The following TENM3 variants were observed in gnomAD, a reference collection of about 807,000 sequenced individuals.
TENM3 encodes teneurin transmembrane protein 3, also known as teneurin-3.
In TENM3, 63 loss-of-function variants were observed where a neutral mutation model predicts 255.1. The observed-to-expected ratio is 0.25, with a 90% CI of 0.20 to 0.30. TENM3 has a LOEUF of 0.30. TENM3 is among the 10% of genes least tolerant of loss of function. The pLI is 1.00. For synonymous variants in TENM3, 1,306 were observed against 1,322.3 expected (o/e 0.99, Z 0.27); for missense variants, 2,929 against 3,461.1 (o/e 0.85, Z 3.86).
chr4:182,102,437 G>A, the TENM3 span, among the ~76,000 whole-genome samples: 1 of 152,320 alleles, frequency 6.6e-6, no homozygotes, highest in African/African-American at 2.4e-5. Flanking sequence ...TACTGGCAAT[G>A]ATTAGCAGAC....
chr4:181,449,257 T>G, the TENM3 span, among the ~76,000 whole-genome samples: 1 of 152,136 alleles, frequency 6.6e-6, no homozygotes, highest in Non-Finnish European at 1.5e-5. Flanking sequence ...TCTCCTGTCA[T>G]GTAGGTCTAT....
chr4:182,175,334 T>TACAC (rs761114899), intron 1 of TENM3, among the ~76,000 whole-genome samples: 3 of 146,126 alleles, frequency 2.1e-5, no homozygotes, highest in African/African-American at 5.0e-5. Flanking sequence ...TATATATATA[T>TACAC]ACACACAAGT....
At chr4:182,392,176 G>C (rs1270158405) in intron 3 of TENM3, among the ~76,000 whole-genome samples, 3 of 152,196 alleles carry the variant, frequency 2.0e-5, no homozygotes, top group Non-Finnish European at 4.4e-5. Flanking sequence ...GATGTGAACA[G>C]TGAAGGGTCG....
chr4:181,577,182 T>A, the TENM3 span, among the ~76,000 whole-genome samples: 24 of 126,882 alleles, frequency 1.9e-4, no homozygotes, highest in African/African-American at 5.8e-4. Flanking sequence ...TATATTATAT[T>A]ATATATTATA....
chr4:182,209,662 T>C (rs76538223), intron 1 of TENM3, among the ~76,000 whole-genome samples: 4,801 of 152,232 alleles, frequency 0.032, 256 homozygotes, highest in African/African-American at 0.11. Flanking sequence ...ATTGTGTAAA[T>C]GCGTCTGTTA....
At chr4:181,855,953 A>G in the TENM3 span, among the ~76,000 whole-genome samples, 3 of 146,994 alleles carry the variant, frequency 2.0e-5, no homozygotes, top group Non-Finnish European at 4.5e-5. Context: ...GAAAGAAGGA[A>G]GGAACAAAAG....
chr4:182,452,666 A>G (rs1031087887), intron 3 of TENM3, among the ~76,000 whole-genome samples: 3 of 152,356 alleles, frequency 2.0e-5, no homozygotes, highest in East Asian at 1.9e-4. Context: ...TATTTTGGCT[A>G]TAATCACGTG....
rs1281515537 is a variant in TENM3 at position 182,192,993 on chromosome 4, C to T, written c.-76+48239C>T. Among the ~76,000 whole-genome samples the T allele has an allele frequency of 3.3e-5, 5 of 152,176 alleles. No homozygotes were observed. In the East Asian group the frequency reaches 9.6e-4, roughly 29 times the overall value. ...ATGTGCTGAACCAGCAATTACTCAC[C>T]TAATCTTCCTATCATGATGGTGTTT... On this transcript the variant is annotated intron_variant, in intron 1 of 2. Transcript: ENST00000512480.
At chr4:181,565,476 A>C in the TENM3 span, among the ~76,000 whole-genome samples, 1 of 152,360 alleles carries the variant, frequency 6.6e-6, no homozygotes, top group East Asian at 1.9e-4. Flanking sequence ...TAAATCTTAG[A>C]AGGTGGGAAA....
At chr4:182,738,377 A>G in intron 17 of TENM3, 24 bp from the exon 18 acceptor site, 1 of 1,554,308 alleles carries the variant, frequency 6.4e-7, no homozygotes, top group Non-Finnish European at 8.7e-7. Context: ...TGGAAAGATG[A>G]GCTGTGATTT....
chr4:182,762,631 C>T (rs4862090), intron 22 of TENM3, among the ~76,000 whole-genome samples: 27,682 of 152,164 alleles, frequency 0.18, 3,261 homozygotes, highest in East Asian at 0.57. Flanking sequence ...CGTAACTCCT[C>T]AGCCTCCCAG....
chr4:181,747,670 T>C, the TENM3 span, among the ~76,000 whole-genome samples: 12 of 152,024 alleles, frequency 7.9e-5, no homozygotes, highest in South Asian at 2.5e-3. Context: ...TTTTATTTGT[T>C]ACATTCCTGC....
At chr4:181,803,941 A>T in the TENM3 span, among the ~76,000 whole-genome samples, 1 of 39,964 alleles carries the variant, frequency 2.5e-5, no homozygotes, top group South Asian at 1.7e-3. Flanking sequence ...TATCTCAACA[A>T]AAAAAAAAAA....
At chr4:181,952,080 A>G in the TENM3 span, among the ~76,000 whole-genome samples, 1 of 152,340 alleles carries the variant, frequency 6.6e-6, no homozygotes, top group East Asian at 1.9e-4. Context: ...CATCCTTGTC[A>G]TAATGCCTGT....
At chr4:181,951,130 T>C in the TENM3 span, among the ~76,000 whole-genome samples, 1 of 152,228 alleles carries the variant, frequency 6.6e-6, no homozygotes, top group African/African-American at 2.4e-5. Flanking sequence ...AATGTTATTT[T>C]TCCCAGTTTT....
At chr4:182,567,352 T>C (rs1743894391) in intron 3 of TENM3, among the ~76,000 whole-genome samples, 1 of 152,148 alleles carries the variant, frequency 6.6e-6, no homozygotes, top group Non-Finnish European at 1.5e-5. Context: ...CCTTGACACC[T>C]TCCCTCCCGT....
chr4:182,688,311 T>C lies in TENM3; in HGVS notation c.2181T>C (p.Cys727=). ...AEHGTCKDGK[C]ECSQGWNGEH... Reference sequence around the variant, plus strand: ...ACGGGACCTGCAAGGATGGCAAGTGTGAATGCAGCCAGGGCTGGAATGGAG... The same window carrying C: ...ACGGGACCTGCAAGGATGGCAAGTGCGAATGCAGCCAGGGCTGGAATGGAG... Residue 727 remains cysteine (C), a synonymous_variant, in exon 12 of 28, where the codon TGT becomes TGC. Transcript: ENST00000511685. The C allele has an allele frequency of 6.2e-7, 1 of 1,613,704 alleles. No homozygotes were observed. The highest frequency in any genetic ancestry group is 8.5e-7 in the Non-Finnish European group (1 of 1,179,770).
the TENM3 span, among the ~76,000 whole-genome samples, chr4:181,589,552 A>AG: frequency 1.1e-4 from 17 of 152,154 alleles, no homozygotes; most frequent in Admixed American, 5.9e-4. Flanking sequence ...TATAATGTTT[A>AG]GGGGGGGCAA....
At chr4:182,102,281 G>C in the TENM3 span, among the ~76,000 whole-genome samples, 1 of 152,182 alleles carries the variant, frequency 6.6e-6, no homozygotes, top group Non-Finnish European at 1.5e-5. Flanking sequence ...TGGAGCCCTG[G>C]AGTAAGGAAG....
Sources: allele counts gnomAD v4.1 joint callset (sites outside exome capture counted in the v4.1 genomes callset), GRCh38; gene constraint gnomAD v4.1.1; transcripts MANE v1.5; gene names NCBI Gene and HGNC (gene_info 2026-07-23, HGNC 2026-07-21).